NUDT2: variants seen among roughly 807,000 people sequenced by gnomAD.
NUDT2 encodes nudix hydrolase 2, also known as bis(5'-nucleosyl)-tetraphosphatase [asymmetrical].
In NUDT2, 12 loss-of-function variants were observed where a neutral mutation model predicts 14.2. That is an observed-to-expected ratio of 0.84 (90% CI 0.54 to 1.37). NUDT2 has a LOEUF of 1.37. Ranked by LOEUF, NUDT2 falls within the 40% of genes most tolerant of loss-of-function variation. The pLI is 0.00. For missense variants in NUDT2, 167 were observed against 176.7 expected (o/e 0.95, Z 0.31); for synonymous variants, 67 against 67.4 (o/e 0.99, Z 0.03).
chr9:34,333,090 G>A (rs1837990756), intron 1 of NUDT2, among the ~76,000 whole-genome samples: 1 of 152,106 alleles, frequency 6.6e-6, no homozygotes, highest in Non-Finnish European at 1.5e-5. Context: ...GGACACTAGT[G>A]CCCTAAGTTA....
At chr9:34,342,615 G>A (rs985816428) in intron 4 of NUDT2, among the ~76,000 whole-genome samples, 13 of 152,254 alleles carry the variant, frequency 8.5e-5, no homozygotes, top group African/African-American at 3.1e-4. Context: ...GGAATGGAAA[G>A]GTGGGATTGC....
chr9:34,329,667 A>C (rs1290440299), intron 1 of NUDT2, 68 bp downstream of exon 1: 1 of 152,380 alleles, frequency 6.6e-6, no homozygotes, highest in African/African-American at 2.4e-5. Flanking sequence ...GAGCGATGGG[A>C]ATCTGCCTCT....
At chr9:34,336,195 A>G (rs989716867) in intron 1 of NUDT2, 34 bp from the exon 2 acceptor site, 3 of 152,146 alleles carry the variant, frequency 2.0e-5, no homozygotes, top group African/African-American at 7.2e-5. Flanking sequence ...CCCCACATCT[A>G]TAACTTTCTA....
intron 4 of NUDT2, among the ~76,000 whole-genome samples, chr9:34,340,577 G>T (rs1223188316): frequency 6.6e-6 from 1 of 152,238 alleles, no homozygotes; most frequent in Non-Finnish European, 1.5e-5. Flanking sequence ...CCTTAGGCCA[G>T]GCCAAGATCT....
At chr9:34,336,163 G>A (rs534803456) in intron 1 of NUDT2, 66 bp from the exon 2 acceptor site, 1 of 152,064 alleles carries the variant, frequency 6.6e-6, no homozygotes, top group South Asian at 2.1e-4. Context: ...CATTCCATGG[G>A]ACCTGAGGCA....
At chr9:34,342,284 A>G (rs947320586) in intron 4 of NUDT2, among the ~76,000 whole-genome samples, 3 of 152,346 alleles carry the variant, frequency 2.0e-5, no homozygotes, top group Admixed American at 2.0e-4. Context: ...ACAGCTGCTC[A>G]TTCAGCCGTG....
chr9:34,337,107 C>A lies in NUDT2; in HGVS notation c.-152+766C>A, dbSNP rs913737753. ...CTCCACCTCCCGGGTTCAAGTGATT[C>A]TTCTGCCTCAGCCTCCCAAGTAGCT... On this transcript the variant is annotated intron_variant, in intron 2 of 4. Coordinates refer to ENST00000379158, the MANE Select transcript of NUDT2 (RefSeq NM_001161.5). 3.4e-5 allele frequency among the ~76,000 whole-genome samples: 5 copies of A among 147,954 alleles called. No individual in the cohort carries two copies. In the South Asian group the frequency reaches 1.1e-3, roughly 32 times the overall value.
intron 2 of NUDT2, among the ~76,000 whole-genome samples, chr9:34,336,946 C>A (rs1838103657): frequency 6.6e-6 from 1 of 150,702 alleles, no homozygotes; most frequent in African/African-American, 2.4e-5. Flanking sequence ...TGGCTCTTTT[C>A]CTTTTTGATA....
chr9:34,336,268 C>T lies in NUDT2; in HGVS notation c.-225C>T, dbSNP rs7025269. 0.74 allele frequency: 113,139 copies of T among 152,010 alleles called. 42,814 individuals are homozygous for T. Among genetic ancestry groups the T allele is most frequent in the East Asian group, 0.95 (4,882 of 5,144 alleles). The allele number at this position is 152,010 out of a possible 1,614,324, so 9.4% of individuals were successfully genotyped here. ...CAGCTACCTGTTTCTGCCTCAACCA[C>T]GGACCAATAATATGAGATCTTTGTT... On this transcript the variant is annotated 5_prime_UTR_variant, in exon 2 of 5. It adds an upstream start codon to the 5' untranslated region. Coordinates refer to ENST00000379158, the MANE Select transcript of NUDT2 (RefSeq NM_001161.5).
chr9:34,332,680 G>A (rs1438935611), intron 1 of NUDT2, among the ~76,000 whole-genome samples: 1 of 152,124 alleles, frequency 6.6e-6, no homozygotes, highest in African/African-American at 2.4e-5. Context: ...AAAATCTCCT[G>A]TTTCCTCCCT....
intron 1 of NUDT2, among the ~76,000 whole-genome samples, chr9:34,330,074 C>T (rs1837850331): frequency 6.6e-6 from 1 of 152,232 alleles, no homozygotes; most frequent in African/African-American, 2.4e-5. Context: ...AACAAGAGCC[C>T]CACCGCCTTA....
At position 34,343,467 on chromosome 9, in the gene NUDT2, C is replaced by T; in HGVS notation, c.*27C>T. 6.5e-7 allele frequency: 1 copy of T among 1,528,666 alleles called. No homozygotes were observed. The highest frequency in any genetic ancestry group is 1.3e-5 in the South Asian group (1 of 76,994). The allele number at this position is 1,528,666 out of a possible 1,614,324, so 94.7% of individuals were successfully genotyped here. A position where few individuals can be genotyped will look rare whatever the true frequency, so the allele number is the denominator to read the frequency against. On this transcript the variant is annotated 3_prime_UTR_variant, in exon 5 of 5. Transcript: ENST00000379158. ...CTGACTGGAGCAGAGTCATTTGCTT[C>T]AGCAGGATCCTTGTGGGCCTTCTAA...
intron 4 of NUDT2, among the ~76,000 whole-genome samples, chr9:34,339,613 T>C (rs983804483): frequency 2.0e-5 from 3 of 152,214 alleles, no homozygotes; most frequent in Admixed American, 2.0e-4. Context: ...GAGGTCGAGG[T>C]GGGCAGATTG....
intron 4 of NUDT2, 115 bp downstream of exon 4, chr9:34,339,281 G>A: frequency 7.7e-7 from 1 of 1,297,836 alleles, no homozygotes; most frequent in Non-Finnish European, 1.1e-6. Flanking sequence ...AAAGGGGTAG[G>A]GAAGGTAGGA....
At chr9:34,331,589 C>T (rs1452093891) in intron 1 of NUDT2, among the ~76,000 whole-genome samples, 6 of 152,162 alleles carry the variant, frequency 3.9e-5, no homozygotes, top group Admixed American at 1.3e-4. Flanking sequence ...GGAATGTGAG[C>T]TGCAGAGGTA....
intron 2 of NUDT2, among the ~76,000 whole-genome samples, chr9:34,338,326 CT>C (rs1838147303): frequency 9.6e-5 from 1 of 10,408 alleles, no homozygotes; most frequent in Non-Finnish European, 3.0e-4. Context: ...GACCCTGTCT[CT>C]AAAAAAAAAA....
chr9:34,341,290 T>C (rs1245131602), intron 4 of NUDT2, among the ~76,000 whole-genome samples: 1 of 152,206 alleles, frequency 6.6e-6, no homozygotes, highest in East Asian at 1.9e-4. Flanking sequence ...ACTGAATAGA[T>C]GCCCCTGGGA....
chr9:34,339,409 A>T (rs1587992470), intron 4 of NUDT2, among the ~76,000 whole-genome samples: 1 of 152,200 alleles, frequency 6.6e-6, no homozygotes, highest in Non-Finnish European at 1.5e-5. Context: ...ATCATTCGCC[A>T]GCTCTCCAAC....
chr9:34,332,985 TAGTCACATAGAATTGC>T (rs373007580), intron 1 of NUDT2, among the ~76,000 whole-genome samples: 12 of 151,606 alleles, frequency 7.9e-5, no homozygotes, highest in East Asian at 3.9e-4. Flanking sequence ...GGTGAGGGAG[TAGTCACATAGAATTGC>T]AGTCACATAG....
Sources: allele counts gnomAD v4.1 joint callset (sites outside exome capture counted in the v4.1 genomes callset), GRCh38; gene constraint gnomAD v4.1.1; transcripts MANE v1.5; gene names NCBI Gene and HGNC (gene_info 2026-07-23, HGNC 2026-07-21).